TMEM131: variants seen among roughly 807,000 people sequenced by gnomAD.
The protein encoded by TMEM131 is 2610524E03Rik.
A neutral mutation model predicts 211.6 loss-of-function variants in TMEM131; 66 were observed. The ratio of observed to expected loss-of-function variants is 0.31; its 90% CI spans 0.26 to 0.38. TMEM131 has a LOEUF of 0.38. Among genes scored for constraint, TMEM131 ranks in the 10% least tolerant of loss-of-function variants. The pLI, the probability that TMEM131 is intolerant of heterozygous loss-of-function variation, is 1.00. For synonymous variants in TMEM131, 844 were observed against 841.3 expected (o/e 1.00, Z -0.06); for missense variants, 2,036 against 2,299.3 (o/e 0.89, Z 2.34).
chr2:97,776,772 A>G (rs1679755225), intron 31 of TMEM131, among the ~76,000 whole-genome samples: 1 of 152,224 alleles, frequency 6.6e-6, no homozygotes. Flanking sequence ...TAGGGGCGCT[A>G]AGAGTCCCAG....
intron 1 of TMEM131, among the ~76,000 whole-genome samples, chr2:97,992,612 AATT>A (rs1680315141): frequency 6.6e-6 from 1 of 152,208 alleles, no homozygotes; most frequent in Non-Finnish European, 1.5e-5. Context: ...TTCACAATGA[AATT>A]ATATTACATG....
intron 33 of TMEM131, among the ~76,000 whole-genome samples, chr2:97,766,877 G>A (rs1480947824): frequency 2.6e-5 from 4 of 152,118 alleles, no homozygotes; most frequent in Non-Finnish European, 4.4e-5. Flanking sequence ...AATACGTAAC[G>A]TGAGGGAGGA....
At chr2:97,978,849 A>C (rs964017943) in intron 1 of TMEM131, among the ~76,000 whole-genome samples, 1 of 152,216 alleles carries the variant, frequency 6.6e-6, no homozygotes, top group African/African-American at 2.4e-5. Context: ...CTAGAATGGC[A>C]AATCCTTTCC....
At chr2:97,957,404 T>C (rs189057296) in intron 1 of TMEM131, among the ~76,000 whole-genome samples, 23 of 152,322 alleles carry the variant, frequency 1.5e-4, no homozygotes, top group African/African-American at 5.5e-4. Flanking sequence ...TGAAACAACA[T>C]TATATATTTT....
At chr2:97,782,165 T>C (rs1215221364) in intron 31 of TMEM131, among the ~76,000 whole-genome samples, 2 of 152,060 alleles carry the variant, frequency 1.3e-5, no homozygotes, top group Non-Finnish European at 2.9e-5. Flanking sequence ...GGAGGCCGAG[T>C]GGACAGTCAG....
intron 3 of TMEM131, among the ~76,000 whole-genome samples, chr2:97,897,572 A>T (rs991160882): frequency 6.6e-6 from 1 of 152,148 alleles, no homozygotes; most frequent in African/African-American, 2.4e-5. Flanking sequence ...TTCAAATAAT[A>T]ATCTTGCATT....
At chr2:97,764,822 G>C (rs1345641512) in intron 35 of TMEM131, 1 of 152,262 alleles carries the variant, frequency 6.6e-6, no homozygotes, top group Non-Finnish European at 1.5e-5. Context: ...GTGCCACCAG[G>C]TGGGGATGCT....
intron 1 of TMEM131, among the ~76,000 whole-genome samples, chr2:97,994,229 C>G (rs757397414): frequency 2.0e-5 from 3 of 152,180 alleles, no homozygotes; most frequent in South Asian, 2.1e-4. Flanking sequence ...ATTATGACAA[C>G]CCCAGGACCG....
chr2:97,810,730 GAT>G (rs922849570), intron 18 of TMEM131, among the ~76,000 whole-genome samples: 2 of 152,172 alleles, frequency 1.3e-5, no homozygotes, highest in African/African-American at 4.8e-5. Flanking sequence ...ATTAGGACAT[GAT>G]CTCCTGATTT....
At chr2:97,785,561 C>G (rs914518196) in intron 31 of TMEM131, among the ~76,000 whole-genome samples, 1 of 152,152 alleles carries the variant, frequency 6.6e-6, no homozygotes, top group African/African-American at 2.4e-5. Flanking sequence ...TCCTACGTTG[C>G]TGGTGGGAAT....
At chr2:97,832,930 C>T (rs1682777790) in intron 11 of TMEM131, among the ~76,000 whole-genome samples, 1 of 152,188 alleles carries the variant, frequency 6.6e-6, no homozygotes, top group South Asian at 2.1e-4. Flanking sequence ...GTGTTAACAG[C>T]ACTTTACCAC....
intron 5 of TMEM131, among the ~76,000 whole-genome samples, chr2:97,853,226 G>T (rs1230125575): frequency 6.6e-6 from 1 of 152,070 alleles, no homozygotes; most frequent in East Asian, 1.9e-4. Context: ...TGCCACAAAG[G>T]GTGATTCCTC....
At chr2:97,990,810 T>C (rs1680230146) in intron 1 of TMEM131, among the ~76,000 whole-genome samples, 1 of 152,196 alleles carries the variant, frequency 6.6e-6, no homozygotes, top group Non-Finnish European at 1.5e-5. Context: ...TTCATATGCT[T>C]TGTAAATAGT....
intron 40 of TMEM131, among the ~76,000 whole-genome samples, chr2:97,757,740 C>T (rs1282282146): frequency 6.6e-6 from 1 of 152,186 alleles, no homozygotes; most frequent in East Asian, 1.9e-4. Flanking sequence ...GGACCAAATC[C>T]AGCTCTGCCT....
chr2:97,900,627 G>A (rs1209839001), intron 3 of TMEM131, among the ~76,000 whole-genome samples: 1 of 151,912 alleles, frequency 6.6e-6, no homozygotes, highest in Non-Finnish European at 1.5e-5. Context: ...GAACACTTAG[G>A]TTGATTCCTC....
At chr2:97,885,399 T>C (rs894418113) in intron 4 of TMEM131, among the ~76,000 whole-genome samples, 9 of 140,810 alleles carry the variant, frequency 6.4e-5, no homozygotes, top group African/African-American at 2.5e-4. Context: ...TTTCACCATG[T>C]TAGCCAGGAT....
At chr2:97,908,434 C>G (rs557954046) in intron 3 of TMEM131, among the ~76,000 whole-genome samples, 1 of 152,186 alleles carries the variant, frequency 6.6e-6, no homozygotes, top group Non-Finnish European at 1.5e-5. Context: ...GAGTAACAGC[C>G]CTTCGTACAC....
chr2:97,858,565 G>A (rs1673937656), intron 5 of TMEM131, among the ~76,000 whole-genome samples: 2 of 152,152 alleles, frequency 1.3e-5, no homozygotes, highest in Non-Finnish European at 2.9e-5. Context: ...TTAATCAAAA[G>A]GGAGACTATC....
intron 29 of TMEM131, among the ~76,000 whole-genome samples, chr2:97,794,402 A>T (rs1421572867): frequency 6.6e-6 from 1 of 152,168 alleles, no homozygotes; most frequent in Non-Finnish European, 1.5e-5. Flanking sequence ...AATTATGTGT[A>T]TTAGAAGAAA....
Sources: gnomAD v4.1 joint callset for allele counts (sites outside exome capture counted in the v4.1 genomes callset) on GRCh38, gnomAD v4.1.1 for gene constraint, MANE v1.5 for transcripts, NCBI Gene and HGNC (gene_info 2026-07-23, HGNC 2026-07-21) for gene names.